The following XCR1 variants were observed in gnomAD, a reference collection of about 807,000 sequenced individuals.
XCR1 encodes the protein chemokine XC receptor 1.
For synonymous variants in XCR1, 187 were observed against 188.5 expected, an observed-to-expected ratio of 0.99 and a Z score of 0.06; for missense variants, 356 against 424.2, an observed-to-expected ratio of 0.84 and a Z score of 1.41.
At position 46,021,394 on chromosome 3, in the gene XCR1, G is replaced by A; in HGVS notation, c.554C>T (p.Thr185Ile). ...GAAGAGGTTGTGCTGGTAGACGGAG[G>A]TGAGGTACCACGTGAGTTCGGAATA... is the stretch of plus-strand genomic sequence containing the variant. ...CDYSELTWYL[T>I]SVYQHNLFFL... The change falls in exon 2 of 2, where the codon ACC becomes ATC. Residue 185 changes from threonine to isoleucine, a missense_variant. Thr to Ile is a moderately conservative substitution (Grantham distance 89). Transcript: ENST00000309285. This position sits in a 1 kb window ranked among gnomAD's most constrained non-coding sequence, Gnocchi z 4.7. 6.2e-7 allele frequency: 1 copy of A among 1,614,198 alleles called. No individual in the cohort carries two copies. The highest frequency in any genetic ancestry group is 8.5e-7 in the Non-Finnish European group (1 of 1,180,026).
At position 46,019,381 on chromosome 3, in the gene XCR1, A is replaced by G. The variant is rs1264208071; in HGVS notation, c.*1565T>C. 3 of 152,256 alleles carry G rather than the reference A, an allele frequency of 2.0e-5. No homozygotes were observed. The highest frequency in any genetic ancestry group is 4.4e-5 in the Non-Finnish European group (3 of 68,046). The allele number at this position is 152,256 out of a possible 1,614,324, so 9.4% of individuals were successfully genotyped here. A position where few individuals can be genotyped will look rare whatever the true frequency, so the allele number is the denominator to read the frequency against. The stretch of plus-strand genomic sequence containing the variant: ...GTTCAAGACCAGGTTCCTGCCCTCA[A>G]GAAGCTTGCAGCCTGATGGGGCAGG... On this transcript the variant is annotated 3_prime_UTR_variant, in exon 2 of 2. Coordinates refer to ENST00000309285, the MANE Select transcript of XCR1 (RefSeq NM_001024644.2).
chr3:46,023,326 G>A, intron 1 of XCR1: 1 of 1,103,788 alleles, frequency 9.1e-7, no homozygotes, highest in Non-Finnish European at 1.4e-6. Context: ...CCTCAACCTG[G>A]CTCATCAGCA....
chr3:46,077,323 G>A (rs939909025), intron 1 of XCR1, among the ~76,000 whole-genome samples: 1 of 151,934 alleles, frequency 6.6e-6, no homozygotes, highest in Non-Finnish European at 1.5e-5. Context: ...TCATAGAAGT[G>A]CAAACCCTAT....
At chr3:46,058,076 A>G (rs921419108) in intron 4 of XCR1, among the ~76,000 whole-genome samples, 5 of 152,162 alleles carry the variant, frequency 3.3e-5, no homozygotes, top group African/African-American at 1.2e-4. Context: ...GGATTTAGGT[A>G]ATGGAAGTGG....
intron 5 of XCR1, among the ~76,000 whole-genome samples, chr3:46,032,644 A>AC (rs559050342): frequency 2.6e-5 from 4 of 151,904 alleles, no homozygotes; most frequent in South Asian, 2.1e-4. Flanking sequence ...CAGAAAAGAG[A>AC]CCCCCCAAAG....
At chr3:46,030,514 G>A (rs13060901), upstream of XCR1, among the ~76,000 whole-genome samples, 66,661 of 152,128 alleles carry the variant, frequency 0.44, 16,717 homozygotes, top group African/African-American at 0.69. Flanking sequence ...AATACTTTAT[G>A]CACTATACAC....
At chr3:46,023,572 G>C (rs967439169) in intron 1 of XCR1, 4 of 1,458,024 alleles carry the variant, frequency 2.7e-6, no homozygotes, top group Non-Finnish European at 3.8e-6. Context: ...CACAGACAAG[G>C]ATGTAGCTGC....
rs772994727 is a variant in XCR1 at position 46,021,013 on chromosome 3, G to A, written c.935C>T (p.Ala312Val). 6 of 1,613,294 alleles carry A rather than the reference G, an allele frequency of 3.7e-6. No individual in the cohort carries two copies. The highest frequency in any genetic ancestry group is 5.1e-6 in the Non-Finnish European group (6 of 1,179,574). ...GTGGGGGATCGAGGCTGGGCTGGGT[G>A]CCTGCAGCCGGCAGAACCAGAACTG... is the stretch of plus-strand genomic sequence containing the variant. ...LRQFWFCRLQ[A>V]PSPASIPHSP... Residue 312 changes from alanine to valine, a missense_variant, in exon 2 of 2, where the codon GCA becomes GTA. Ala to Val is a moderately conservative substitution (Grantham distance 64). Transcript: ENST00000309285. The surrounding 1 kb of genome is among the most constrained non-coding windows in gnomAD (Gnocchi z 4.7).
rs767355373 is a variant in XCR1 at position 46,021,992 on chromosome 3, G to T, written c.-31-14C>A. On this transcript the variant is annotated splice_polypyrimidine_tract_variant and intron_variant, in intron 1 of 1. Transcript: ENST00000309285. The surrounding 1 kb of genome is among the most constrained non-coding windows in gnomAD (Gnocchi z 4.7). ...CGTTTAGAGCATCTGAAATGATAGA[G>T]ACATGGAGTTTAAAGCCATGTGGTG... 1.3e-6 allele frequency: 2 copies of T among 1,563,504 alleles called. No individual in the cohort carries two copies. The highest frequency in any genetic ancestry group is 4.5e-5 in the East Asian group (2 of 44,552).
Position 46,017,499 on chromosome 3 carries a change from AAG to A in XCR1, c.*3445_*3446del, listed in dbSNP as rs1708064947. On this transcript the variant is annotated 3_prime_UTR_variant, in exon 2 of 2. Transcript: ENST00000309285. ...AAGATGAGATGTAGGCAAGTATAGT[AAG>A]AGAAAACAGAGGTAGAAAAAAGGCC... is the stretch of plus-strand genomic sequence containing the variant. 6.6e-6 allele frequency: 1 copy of A among 152,242 alleles called. No homozygotes were observed. The highest frequency in any genetic ancestry group is 1.9e-4 in the East Asian group (1 of 5,204). 9.4% of individuals were successfully genotyped at this position (152,242 alleles called of 1,614,324 possible). A position where few individuals can be genotyped will look rare whatever the true frequency, so the allele number is the denominator to read the frequency against.
intron 4 of XCR1, among the ~76,000 whole-genome samples, chr3:46,062,431 A>G (rs1697980669): frequency 6.6e-6 from 1 of 152,230 alleles, no homozygotes; most frequent in Non-Finnish European, 1.5e-5. Context: ...TCTAAGGGCA[A>G]CTTTTGCCCT....
In XCR1 at chr3:46,017,636, G is replaced by A. The variant is rs182772056; in HGVS notation, c.*3310C>T. ...TTTGAGGGATTTCCACTCCAGTTGA[G>A]GCCATTGGAGTTCTGGGGCTGGCCT... On this transcript the variant is annotated 3_prime_UTR_variant, in exon 2 of 2. Coordinates refer to ENST00000309285, the MANE Select transcript of XCR1 (RefSeq NM_001024644.2). The A allele has an allele frequency of 5.2e-5, 8 of 152,408 alleles. 1 individual carries two copies. The East Asian group carries it at 1.5e-3, about 29-fold the overall frequency. 9.4% of individuals were successfully genotyped at this position (152,408 alleles called of 1,614,324 possible).
chr3:46,084,255 G>T (rs954225838), intron 1 of XCR1, among the ~76,000 whole-genome samples: 2 of 152,172 alleles, frequency 1.3e-5, no homozygotes, highest in Admixed American at 6.5e-5. Context: ...GGACAAGCTG[G>T]CACTCAGATT....
intron 1 of XCR1, among the ~76,000 whole-genome samples, chr3:46,026,411 T>G (rs1708288399): frequency 6.6e-6 from 1 of 152,162 alleles, no homozygotes; most frequent in Non-Finnish European, 1.5e-5. Context: ...TGGACTGTAA[T>G]ATAATTTAGA....
chr3:46,054,387 C>T (rs981556752), intron 4 of XCR1, among the ~76,000 whole-genome samples: 5 of 152,070 alleles, frequency 3.3e-5, no homozygotes, highest in Admixed American at 6.5e-5. Flanking sequence ...CCAGATCCTG[C>T]GTTCATGATA....
upstream of XCR1, among the ~76,000 whole-genome samples, chr3:46,030,728 C>T (rs1409892142): frequency 1.3e-5 from 2 of 152,188 alleles, no homozygotes; most frequent in Non-Finnish European, 2.9e-5. Flanking sequence ...GCTGCAGGAG[C>T]AGCAGTGGGG....
intron 2 of XCR1, among the ~76,000 whole-genome samples, chr3:46,075,321 A>C (rs986560946): frequency 6.6e-6 from 1 of 150,636 alleles, no homozygotes; most frequent in African/African-American, 2.4e-5. Context: ...AAAAAAAAAA[A>C]AAAAAAAAAC....
Position 46,038,730 on chromosome 3 carries a change from C to T in XCR1, c.-32+15190G>A, listed in dbSNP as rs1322342905. Among the ~76,000 whole-genome samples the T allele has an allele frequency of 3.9e-5, 6 of 152,062 alleles. No homozygotes were observed. In the East Asian group the frequency reaches 1.2e-3, roughly 29 times the overall value. On this transcript the variant is annotated intron_variant, in intron 5 of 5. Transcript: ENST00000683768. The stretch of plus-strand genomic sequence containing the variant: ...CCAAAAAATACAAGACTTATTTTTA[C>T]AAGTTCTAAGCAGAAATAGTATACT...
At chr3:46,052,383 G>T (rs1187103110) in intron 5 of XCR1, among the ~76,000 whole-genome samples, 1 of 151,878 alleles carries the variant, frequency 6.6e-6, no homozygotes, top group Non-Finnish European at 1.5e-5. Flanking sequence ...TTCCCAACAG[G>T]GGGGTGCCAT....
Sources: allele counts gnomAD v4.1 joint callset (sites outside exome capture counted in the v4.1 genomes callset), GRCh38; gene constraint gnomAD v4.1.1; non-coding constraint Gnocchi (gnomAD v3.1); transcripts MANE v1.5; gene names NCBI Gene and HGNC (gene_info 2026-07-23, HGNC 2026-07-21).